UNC13C: variants seen among roughly 807,000 people sequenced by gnomAD.
The protein encoded by UNC13C is unc-13 homolog C.
Under a neutral mutation model 245.4 loss-of-function variants are expected in UNC13C, and 174 were observed. The observed-to-expected ratio is 0.71, with a 90% CI of 0.63 to 0.80. The LOEUF (loss-of-function observed/expected upper bound fraction) is 0.80. Among genes scored for constraint, UNC13C ranks in the 30% least tolerant of loss-of-function variants. The pLI is 0.00. For missense variants in UNC13C, 2,829 were observed against 2,602.9 expected (o/e 1.09, Z -1.89); for synonymous variants, 992 against 895.1 (o/e 1.11, Z -1.93).
chr15:54,360,284 T>C (rs1350678888), intron 17 of UNC13C, among the ~76,000 whole-genome samples: 1 of 152,076 alleles, frequency 6.6e-6, no homozygotes, highest in African/African-American at 2.4e-5. Context: ...CAGCAGCTGT[T>C]GGATGACATT....
intron 2 of UNC13C, among the ~76,000 whole-genome samples, chr15:54,073,914 T>C (rs1031745323): frequency 1.3e-5 from 2 of 152,032 alleles, no homozygotes; most frequent in African/African-American, 2.4e-5. Flanking sequence ...TAGCTTTTGT[T>C]GCCGTTGTTT....
chr15:54,350,103 TG>T (rs1247053841), intron 17 of UNC13C, among the ~76,000 whole-genome samples: 1 of 152,134 alleles, frequency 6.6e-6, no homozygotes, highest in Non-Finnish European at 1.5e-5. Context: ...GCCAGTCTCC[TG>T]TCTCAGCCTC....
chr15:54,422,295 C>T (rs1349255491), intron 19 of UNC13C, among the ~76,000 whole-genome samples: 2 of 151,976 alleles, frequency 1.3e-5, no homozygotes, highest in East Asian at 3.9e-4. Flanking sequence ...TAGTTCTAGC[C>T]ACAGGCCCCC....
intron 17 of UNC13C, among the ~76,000 whole-genome samples, chr15:54,363,450 A>G (rs2039283955): frequency 6.6e-6 from 1 of 152,206 alleles, no homozygotes; most frequent in African/African-American, 2.4e-5. Context: ...GTCACAAGTC[A>G]TTTGATACTA....
chr15:54,462,925 T>G (rs977268736), intron 19 of UNC13C, among the ~76,000 whole-genome samples: 1 of 152,026 alleles, frequency 6.6e-6, no homozygotes, highest in Admixed American at 6.5e-5. Flanking sequence ...CTGAGTCAGG[T>G]GGGGGCTTGG....
chr15:54,315,204 A>G (rs764796592), intron 13 of UNC13C, among the ~76,000 whole-genome samples: 2 of 151,796 alleles, frequency 1.3e-5, no homozygotes, highest in Non-Finnish European at 2.9e-5. Context: ...TATTGTACCA[A>G]TCAAGGTTTG....
chr15:54,039,865 C>T (rs1020963849), intron 2 of UNC13C, among the ~76,000 whole-genome samples: 8 of 151,620 alleles, frequency 5.3e-5, no homozygotes, highest in Admixed American at 1.3e-4. Context: ...TTGCCTTCAT[C>T]ATCTCTGCAC....
At chr15:54,241,202 G>C (rs752498497) in intron 7 of UNC13C, among the ~76,000 whole-genome samples, 1 of 152,104 alleles carries the variant, frequency 6.6e-6, no homozygotes, top group Non-Finnish European at 1.5e-5. Context: ...GGTTCTGTCT[G>C]GGTTGATGGG....
downstream of UNC13C, chr15:54,629,307 T>C (rs922226871): frequency 2.0e-5 from 3 of 151,966 alleles, no homozygotes; most frequent in African/African-American, 4.8e-5. Flanking sequence ...AGGGAAAAGA[T>C]AAGAAAAAGT....
chr15:54,604,385 A>C (rs1482428939), intron 30 of UNC13C, among the ~76,000 whole-genome samples: 1 of 99,136 alleles, frequency 1.0e-5, no homozygotes, highest in Non-Finnish European at 2.5e-5. Flanking sequence ...TTTTCCTTAA[A>C]CCAGGAAAGA....
At chr15:54,105,266 G>A (rs901664341) in intron 2 of UNC13C, among the ~76,000 whole-genome samples, 8 of 152,230 alleles carry the variant, frequency 5.3e-5, no homozygotes, top group Admixed American at 6.5e-5. Flanking sequence ...CTAACTGCCC[G>A]TGATGGTGAA....
the UNC13C span, among the ~76,000 whole-genome samples, chr15:53,866,354 A>G: frequency 6.6e-6 from 1 of 152,216 alleles, no homozygotes; most frequent in African/African-American, 2.4e-5. Context: ...ATAAAATGGA[A>G]AGCAAAAATA....
rs896170514 is a variant in UNC13C at position 54,460,014 on chromosome 15, C to T, written c.4934-34594C>T. 2.0e-5 allele frequency among the ~76,000 whole-genome samples: 3 copies of T among 152,138 alleles called. No homozygotes were observed. In the South Asian group the frequency reaches 6.2e-4, roughly 32 times the overall value. On this transcript the variant is annotated intron_variant, in intron 19 of 32. Coordinates refer to ENST00000260323, the MANE Select transcript of UNC13C (RefSeq NM_001080534.3). The stretch of plus-strand genomic sequence containing the variant: ...AGAATTACTTTTCTGGTTCCTTCTA[C>T]TTTGTGTAGACTGTTTCAGTGGACA...
chr15:54,518,070 C>T (rs1356069993), intron 24 of UNC13C, among the ~76,000 whole-genome samples: 2 of 152,104 alleles, frequency 1.3e-5, no homozygotes, highest in Admixed American at 1.3e-4. Context: ...GCACAGACTG[C>T]CTGGTTTCTT....
chr15:54,346,790 G>A lies in UNC13C; in HGVS notation c.4713+8301G>A, dbSNP rs1254250807. On this transcript the variant is annotated intron_variant, in intron 17 of 32. Transcript: ENST00000260323. The stretch of plus-strand genomic sequence containing the variant: ...TGTGTCAGTGTAGACAGAGGTCACT[G>A]GACTCACAGAGAGGTACACAAAAGA... Among the ~76,000 whole-genome samples, 6 of 152,160 alleles carry A rather than the reference G, an allele frequency of 3.9e-5. 1 individual carries two copies. The Middle Eastern group carries it at 0.017, about 431-fold the overall frequency.
At chr15:53,914,361 C>A in the UNC13C span, 1 of 152,230 alleles carries the variant, frequency 6.6e-6, no homozygotes, top group South Asian at 2.1e-4. Flanking sequence ...AAAGGTAGAA[C>A]TGCCCTGTCG....
chr15:54,455,678 G>A (rs1891481614), intron 19 of UNC13C, among the ~76,000 whole-genome samples: 1 of 151,730 alleles, frequency 6.6e-6, no homozygotes, highest in Non-Finnish European at 1.5e-5. Context: ...GTCTATTCAT[G>A]AACTTAGCCT....
intron 22 of UNC13C, among the ~76,000 whole-genome samples, 158 bp from the exon 23 acceptor site, chr15:54,506,959 G>A (rs1441841663): frequency 6.6e-6 from 1 of 152,082 alleles, no homozygotes; most frequent in African/African-American, 2.4e-5. Flanking sequence ...AATGAAAACA[G>A]AGGGCATTCT....
intron 1 of UNC13C, among the ~76,000 whole-genome samples, chr15:53,979,263 GA>G (rs1177693710): frequency 1.4e-5 from 2 of 141,396 alleles, no homozygotes; most frequent in Admixed American, 1.6e-4. Flanking sequence ...AATTTTGGAA[GA>G]AAAAAATAGA....
Sources: gnomAD v4.1 joint callset for allele counts (sites outside exome capture counted in the v4.1 genomes callset) on GRCh38, gnomAD v4.1.1 for gene constraint, MANE v1.5 for transcripts, NCBI Gene and HGNC (gene_info 2026-07-23, HGNC 2026-07-21) for gene names.